The following FRMD3 variants were observed in gnomAD, a reference collection of about 807,000 sequenced individuals.
FRMD3 encodes FERM domain containing 3, also known as FERM domain-containing protein 3.
A neutral mutation model predicts 70.2 loss-of-function variants in FRMD3; 33 were observed. The ratio of observed to expected loss-of-function variants is 0.47; its 90% CI spans 0.36 to 0.63. FRMD3 has a LOEUF of 0.63. Ranked by LOEUF, FRMD3 falls within the 20% of genes least tolerant of loss-of-function variation. The pLI, the probability that FRMD3 is intolerant of heterozygous loss-of-function variation, is 0.00. For synonymous variants in FRMD3, 279 were observed against 255.9 expected, an observed-to-expected ratio of 1.09 and a Z score of -0.86; for missense variants, 632 against 711.4, an observed-to-expected ratio of 0.89 and a Z score of 1.27.
At chr9:83,367,713 T>C (rs1186200435) in intron 3 of FRMD3, among the ~76,000 whole-genome samples, 1 of 152,216 alleles carries the variant, frequency 6.6e-6, no homozygotes, top group Non-Finnish European at 1.5e-5. Context: ...TTCTGGAAAA[T>C]CTCAAGCCTA....
chr9:83,267,154 C>T (rs550272011), intron 13 of FRMD3: 1 of 1,550,638 alleles, frequency 6.4e-7, no homozygotes, highest in Non-Finnish European at 8.7e-7. Flanking sequence ...TTATTCCAAT[C>T]CCCTTGGTCT....
chr9:83,504,683 C>T (rs74911558), intron 1 of FRMD3, among the ~76,000 whole-genome samples: 8,273 of 152,098 alleles, frequency 0.054, 303 homozygotes, highest in East Asian at 0.2. Context: ...AGAACAGTAC[C>T]GCTTCCCTAC....
intron 1 of FRMD3, among the ~76,000 whole-genome samples, chr9:83,514,285 G>A (rs1483711236): frequency 2.0e-5 from 3 of 152,084 alleles, no homozygotes; most frequent in South Asian, 4.1e-4. Context: ...GGAGAGGGAC[G>A]TCCACCATTA....
intron 1 of FRMD3, among the ~76,000 whole-genome samples, chr9:83,446,124 A>G (rs890564091): frequency 6.6e-6 from 1 of 152,160 alleles, no homozygotes; most frequent in African/African-American, 2.4e-5. Context: ...CCATTAGAAC[A>G]TGGTCACTAG....
rs1181881160 is a variant in FRMD3, at chr9:83,267,222, A to T, written c.1196-18706T>A. On this transcript the variant is annotated intron_variant, in intron 13 of 13. Coordinates refer to ENST00000304195, the MANE Select transcript of FRMD3 (RefSeq NM_174938.6). ...CTAACAGTCCATTCTGTTTTAAAGG[A>T]CCTAGGCAGGACCCACTGAATGAAT... 2.6e-6 allele frequency: 4 copies of T among 1,544,304 alleles called. No homozygotes were observed. In the Admixed American group the frequency reaches 5.9e-5, roughly 23 times the overall value.
chr9:83,485,373 T>C (rs1828666062), intron 1 of FRMD3, among the ~76,000 whole-genome samples: 1 of 152,262 alleles, frequency 6.6e-6, no homozygotes, highest in South Asian at 2.1e-4. Flanking sequence ...CAGTCCCTTT[T>C]TGATCTTAAG....
At chr9:83,507,746 G>C (rs1260888145) in intron 1 of FRMD3, among the ~76,000 whole-genome samples, 1 of 76,600 alleles carries the variant, frequency 1.3e-5, no homozygotes, top group Non-Finnish European at 2.7e-5. Context: ...ATATCTTCTG[G>C]AATATTTCCT....
At chr9:83,290,866 A>G (rs1834391629) in intron 12 of FRMD3, 139 bp from the exon 13 acceptor site, 3 of 860,850 alleles carry the variant, frequency 3.5e-6, no homozygotes, top group South Asian at 3.6e-5. Context: ...AGTAGTAAAG[A>G]TGACGTAACA....
chr9:83,576,911 A>G, the FRMD3 span, among the ~76,000 whole-genome samples: 1 of 152,160 alleles, frequency 6.6e-6, no homozygotes, highest in Non-Finnish European at 1.5e-5. Context: ...TGCCAGCTTA[A>G]TATACAAAAT....
chr9:83,368,114 T>G, intron 3 of FRMD3, among the ~76,000 whole-genome samples: 1 of 152,122 alleles, frequency 6.6e-6, no homozygotes, highest in East Asian at 1.9e-4. Context: ...AAAACTATAC[T>G]GGCATGAAAC....
At chr9:83,415,145 G>T (rs1826394225) in intron 1 of FRMD3, among the ~76,000 whole-genome samples, 1 of 152,190 alleles carries the variant, frequency 6.6e-6, no homozygotes, top group East Asian at 1.9e-4. Flanking sequence ...CAGGTCAGGG[G>T]AGCCAGGGGA....
intron 6 of FRMD3, among the ~76,000 whole-genome samples, chr9:83,325,274 A>G (rs530289719): frequency 6.6e-6 from 1 of 152,344 alleles, no homozygotes; most frequent in South Asian, 2.1e-4. Context: ...CAATATATCT[A>G]TGTAACAAAA....
At chr9:83,475,519 C>G (rs1828374542) in intron 1 of FRMD3, among the ~76,000 whole-genome samples, 1 of 151,986 alleles carries the variant, frequency 6.6e-6, no homozygotes, top group Admixed American at 6.6e-5. Context: ...TGAAAGGGAA[C>G]TCATATGTAT....
intron 6 of FRMD3, among the ~76,000 whole-genome samples, chr9:83,326,384 TTC>T (rs1836017274): frequency 6.6e-6 from 1 of 152,184 alleles, no homozygotes; most frequent in Non-Finnish European, 1.5e-5. Flanking sequence ...TTTAAAATAA[TTC>T]TCAAGTAAGC....
In FRMD3 at chr9:83,245,052, C is replaced by T; in HGVS notation, c.*2866G>A. On this transcript the variant is annotated 3_prime_UTR_variant, in exon 14 of 14. Transcript: ENST00000304195. ...TTATGGAAAATTTAACCCTTTCAGG[C>T]TGTGGGTTTTACCCACCATAGTATC... 1.0e-6 allele frequency: 1 copy of T among 985,356 alleles called. No homozygotes were observed. The highest frequency in any genetic ancestry group is 1.2e-6 in the Non-Finnish European group (1 of 829,882). 61.0% of individuals were successfully genotyped at this position (985,356 alleles called of 1,614,324 possible).
Position 83,518,724 on chromosome 9 carries a change from C to T in FRMD3, c.147+19361G>A, listed in dbSNP as rs1486406539. Among the ~76,000 whole-genome samples, 3 of 152,236 alleles carry T rather than the reference C, an allele frequency of 2.0e-5. No individual in the cohort carries two copies. In the East Asian group the frequency reaches 5.8e-4, roughly 29 times the overall value. On this transcript the variant is annotated intron_variant, in intron 1 of 13. Coordinates refer to ENST00000304195, the MANE Select transcript of FRMD3 (RefSeq NM_174938.6). The stretch of plus-strand genomic sequence containing the variant: ...AAAAAACAAAGCTGGAAGCATCACG[C>T]TACCTGACTTCAAACTATACTACCA...
At chr9:83,277,330 T>C (rs1411424402) in intron 13 of FRMD3, among the ~76,000 whole-genome samples, 1 of 152,194 alleles carries the variant, frequency 6.6e-6, no homozygotes, top group Non-Finnish European at 1.5e-5. Context: ...TAAATTTTAT[T>C]TGTGTTTTTG....
chr9:83,264,807 T>TGGG (rs142550949), intron 13 of FRMD3, among the ~76,000 whole-genome samples: 5 of 137,986 alleles, frequency 3.6e-5, no homozygotes, highest in East Asian at 2.4e-4. Flanking sequence ...TAACCAATTG[T>TGGG]GGGGGGAGGG....
chr9:83,344,336 G>T (rs1210465365), intron 4 of FRMD3, among the ~76,000 whole-genome samples: 3 of 139,928 alleles, frequency 2.1e-5, no homozygotes, highest in African/African-American at 5.4e-5. Context: ...CTCTCAATCA[G>T]TCCCAGTTAT....
Sources: gnomAD v4.1 joint callset for allele counts (sites outside exome capture counted in the v4.1 genomes callset) on GRCh38, gnomAD v4.1.1 for gene constraint, MANE v1.5 for transcripts, NCBI Gene and HGNC (gene_info 2026-07-23, HGNC 2026-07-21) for gene names.